CEP85L: variants seen among roughly 807,000 people sequenced by gnomAD.
The protein encoded by CEP85L is centrosomal protein of 85 kDa-like.
A neutral mutation model predicts 100.3 loss-of-function variants in CEP85L; 60 were observed. The ratio of observed to expected loss-of-function variants is 0.60; its 90% CI spans 0.49 to 0.74. The LOEUF is 0.74. CEP85L is among the 30% of genes least tolerant of loss of function. The pLI is 0.00. For synonymous variants in CEP85L, 319 were observed against 322.7 expected (o/e 0.99, Z 0.12); for missense variants, 973 against 936.2 (o/e 1.04, Z -0.51).
chr6:118,652,554 G>T, upstream of CEP85L: 1 of 1,429,396 alleles, frequency 7.0e-7, no homozygotes, highest in South Asian at 1.5e-5. Flanking sequence ...AACTAGAGAG[G>T]CTTTGAGTTC....
intron 1 of CEP85L, among the ~76,000 whole-genome samples, chr6:118,701,123 T>C (rs1393105281): frequency 6.6e-6 from 1 of 152,232 alleles, no homozygotes; most frequent in African/African-American, 2.4e-5. Context: ...AGAGCCACCA[T>C]GGAAACGGCA....
chr6:118,525,013 T>C (rs1425936688), intron 3 of CEP85L, among the ~76,000 whole-genome samples: 1 of 152,212 alleles, frequency 6.6e-6, no homozygotes, highest in Non-Finnish European at 1.5e-5. Context: ...GATTGTTTGT[T>C]TGTCTGTTTC....
chr6:118,596,665 T>TA (rs57495346), intron 2 of CEP85L, among the ~76,000 whole-genome samples: 3,320 of 149,380 alleles, frequency 0.022, 73 homozygotes, highest in African/African-American at 0.055. Context: ...CTGATTTTTT[T>TA]AAAAAAAAAA....
chr6:118,592,872 T>C (rs1321797360), intron 2 of CEP85L, among the ~76,000 whole-genome samples: 1 of 152,180 alleles, frequency 6.6e-6, no homozygotes, highest in Non-Finnish European at 1.5e-5. Context: ...TGAAATAAGA[T>C]TGTCATGTAT....
At chr6:118,475,646 G>A (rs769795633) in intron 10 of CEP85L, among the ~76,000 whole-genome samples, 10 of 152,128 alleles carry the variant, frequency 6.6e-5, no homozygotes, top group South Asian at 2.1e-4. Flanking sequence ...GAGCCACCAC[G>A]CCCGGTGACT....
intron 2 of CEP85L, among the ~76,000 whole-genome samples, chr6:118,588,273 T>C (rs1425862748): frequency 6.6e-6 from 1 of 152,216 alleles, no homozygotes; most frequent in Non-Finnish European, 1.5e-5. Context: ...CAGAGGTATA[T>C]TCTGGTTTAT....
intron 1 of CEP85L, among the ~76,000 whole-genome samples, chr6:118,660,271 G>A (rs886718433): frequency 1.3e-5 from 2 of 152,230 alleles, no homozygotes; most frequent in African/African-American, 4.8e-5. Flanking sequence ...GCTTCAAGGT[G>A]GCTTTCTGCT....
chr6:118,578,482 A>G (rs1780374061), intron 2 of CEP85L, among the ~76,000 whole-genome samples: 1 of 152,230 alleles, frequency 6.6e-6, no homozygotes, highest in Admixed American at 6.5e-5. Context: ...CTGTAATCCC[A>G]GCACTTTGGG....
intron 3 of CEP85L, among the ~76,000 whole-genome samples, chr6:118,548,943 T>A (rs1486938972): frequency 3.3e-5 from 5 of 152,026 alleles, no homozygotes; most frequent in African/African-American, 1.2e-4. Context: ...TACAAGCTAC[T>A]TTTAAAGTGC....
chr6:118,516,771 T>C (rs1056432915), intron 4 of CEP85L, among the ~76,000 whole-genome samples: 3 of 152,256 alleles, frequency 2.0e-5, no homozygotes, highest in African/African-American at 7.2e-5. Context: ...CTTGTCAATT[T>C]TGGCTTCTGT....
intron 4 of CEP85L, among the ~76,000 whole-genome samples, chr6:118,516,995 A>G (rs1292845007): frequency 6.6e-6 from 1 of 150,922 alleles, no homozygotes; most frequent in Non-Finnish European, 1.5e-5. Context: ...ACCATTCATT[A>G]AATAGGGAAT....
intron 2 of CEP85L, among the ~76,000 whole-genome samples, chr6:118,597,844 T>G (rs1163313884): frequency 6.6e-6 from 1 of 152,190 alleles, no homozygotes; most frequent in Non-Finnish European, 1.5e-5. Context: ...GGGCCTAGTC[T>G]GAGAACAGGA....
chr6:118,640,202 C>T (rs1774771198), intron 1 of CEP85L, among the ~76,000 whole-genome samples: 1 of 152,164 alleles, frequency 6.6e-6, no homozygotes, highest in Non-Finnish European at 1.5e-5. Context: ...GAATATCTAG[C>T]TAAGATGACA....
intron 1 of CEP85L, among the ~76,000 whole-genome samples, chr6:118,707,190 C>CTTTTT (rs5879468): frequency 8.8e-5 from 12 of 135,852 alleles, no homozygotes; most frequent in Non-Finnish European, 9.3e-5. Flanking sequence ...TCCTCATCTG[C>CTTTTT]TTTTTTTTTT....
upstream of CEP85L, among the ~76,000 whole-genome samples, chr6:118,653,914 G>A (rs778641799): frequency 2.6e-5 from 4 of 152,068 alleles, no homozygotes; most frequent in Non-Finnish European, 5.9e-5. Flanking sequence ...TAAACTATTT[G>A]TTTAAAATGT....
chr6:118,709,623 T>C (rs1054414416), intron 1 of CEP85L, among the ~76,000 whole-genome samples: 6 of 151,694 alleles, frequency 4.0e-5, no homozygotes, highest in Middle Eastern at 6.8e-3. Context: ...TCCAGTGACC[T>C]GTTTTACGAA....
chr6:118,674,209 A>G (rs1776407609), intron 1 of CEP85L, among the ~76,000 whole-genome samples: 1 of 152,246 alleles, frequency 6.6e-6, no homozygotes, highest in Non-Finnish European at 1.5e-5. Flanking sequence ...TTGTGCTTCA[A>G]AGAAAACCTC....
chr6:118,538,539 T>C (rs903483946), intron 3 of CEP85L, among the ~76,000 whole-genome samples: 6 of 152,044 alleles, frequency 3.9e-5, no homozygotes, highest in African/African-American at 1.2e-4. Context: ...ATTTTTCCTC[T>C]TAAAAATCAA....
chr6:118,574,100 G>C (rs1780070316), intron 2 of CEP85L: 1 of 152,178 alleles, frequency 6.6e-6, no homozygotes, highest in South Asian at 2.1e-4. Context: ...ATGAGCATGT[G>C]TTCCTCAGCG....
Sources: gnomAD v4.1 joint callset for allele counts (sites outside exome capture counted in the v4.1 genomes callset) on GRCh38, gnomAD v4.1.1 for gene constraint, MANE v1.5 for transcripts, NCBI Gene and HGNC (gene_info 2026-07-23, HGNC 2026-07-21) for gene names.